DCHS2: variants seen among roughly 807,000 people sequenced by gnomAD.
DCHS2 encodes protocadherin-23.
A neutral mutation model predicts 182.4 loss-of-function variants in DCHS2; 142 were observed. The ratio of observed to expected loss-of-function variants is 0.78; its 90% CI spans 0.68 to 0.89. The LOEUF is 0.89. DCHS2 is among the 40% of genes least tolerant of loss of function. DCHS2 has a pLI of 0.00. For synonymous variants in DCHS2, 1,740 were observed against 1,663.3 expected (o/e 1.05, Z -1.12); for missense variants, 4,319 against 4,198.6 (o/e 1.03, Z -0.79).
At chr4:154,286,288 T>C (rs1734395581) in intron 13 of DCHS2, among the ~76,000 whole-genome samples, 1 of 151,992 alleles carries the variant, frequency 6.6e-6, no homozygotes, top group African/African-American at 2.4e-5. Flanking sequence ...CTCTTCAATA[T>C]GCAGACACTG....
chr4:154,417,214 A>T lies in DCHS2; in HGVS notation c.2053-39770T>A, dbSNP rs867924308. On this transcript the variant is annotated intron_variant, in intron 1 of 19. Transcript: ENST00000357232. ...GTGTGTGTGTGTGTGTGAGAGAGAG[A>T]GAGAGAGAGAGAGAGAGAGAGAGAG... 6.2e-3 allele frequency among the ~76,000 whole-genome samples: 545 copies of T among 88,606 alleles called. 7 individuals carry two copies. The highest frequency in any genetic ancestry group is 0.036 in the Middle Eastern group (6 of 166). The allele number at this position is 88,606 out of a possible 152,430, so 58.1% of individuals were successfully genotyped here.
At chr4:154,354,879 C>T (rs536201501) in intron 3 of DCHS2, 2 of 152,126 alleles carry the variant, frequency 1.3e-5, no homozygotes, top group South Asian at 4.2e-4. Flanking sequence ...CAGGCAATCA[C>T]AGAGTGACTT....
intron 2 of DCHS2, among the ~76,000 whole-genome samples, chr4:154,371,109 T>C (rs1730623722): frequency 6.6e-6 from 1 of 151,654 alleles, no homozygotes; most frequent in Admixed American, 6.6e-5. Context: ...CAAATGATAG[T>C]AAAGTCTCCC....
At chr4:154,471,511 T>C (rs1735467190) in intron 1 of DCHS2, among the ~76,000 whole-genome samples, 1 of 152,140 alleles carries the variant, frequency 6.6e-6, no homozygotes, top group Non-Finnish European at 1.5e-5. Context: ...TGGTTTATTG[T>C]AGTACCTTAA....
intron 12 of DCHS2, among the ~76,000 whole-genome samples, chr4:154,301,254 C>T (rs564510564): frequency 7.2e-5 from 11 of 152,250 alleles, no homozygotes; most frequent in African/African-American, 2.2e-4. Context: ...AGTGTCTCTG[C>T]TATCAACCAA....
intron 1 of DCHS2, among the ~76,000 whole-genome samples, chr4:154,380,672 A>G (rs1731127934): frequency 6.6e-6 from 1 of 152,164 alleles, no homozygotes; most frequent in South Asian, 2.1e-4. Context: ...AGACAAAAGT[A>G]GGATAAAAGT....
At position 154,409,064 on chromosome 4, in the gene DCHS2, C is replaced by T. The variant is rs558525269; in HGVS notation, c.2053-31620G>A. Among the ~76,000 whole-genome samples the T allele has an allele frequency of 6.2e-4, 95 of 152,310 alleles. No individual in the cohort carries two copies. The Middle Eastern group carries it at 0.014, about 22-fold the overall frequency. On this transcript the variant is annotated intron_variant, in intron 1 of 19. Transcript: ENST00000357232. ...AGCCAAGCAGTCAAGCATCTCAGGA[C>T]TAAGCTGACGTGGAGCCCCATGTCC... is the stretch of plus-strand genomic sequence containing the variant.
At chr4:154,394,720 T>C (rs1731859190) in intron 1 of DCHS2, among the ~76,000 whole-genome samples, 3 of 152,268 alleles carry the variant, frequency 2.0e-5, no homozygotes, top group Admixed American at 6.5e-5. Context: ...AGTTGCTGTT[T>C]GGTGCTATAC....
chr4:154,385,469 T>C (rs1376293046), intron 1 of DCHS2, among the ~76,000 whole-genome samples: 3 of 152,126 alleles, frequency 2.0e-5, no homozygotes, highest in Admixed American at 1.3e-4. Context: ...AAATGGCTTT[T>C]CTAGTTCTAG....
chr4:154,253,648 C>CTATT (rs1732499191), intron 16 of DCHS2, among the ~76,000 whole-genome samples: 2 of 151,986 alleles, frequency 1.3e-5, no homozygotes, highest in South Asian at 4.1e-4. Context: ...GTACCAATAG[C>CTATT]TATTATGCTA....
intron 1 of DCHS2, among the ~76,000 whole-genome samples, chr4:154,438,517 T>A (rs1253353333): frequency 6.6e-6 from 1 of 152,224 alleles, no homozygotes; most frequent in Non-Finnish European, 1.5e-5. Flanking sequence ...ACATTTTTTG[T>A]TCTTGCAGAA....
At position 154,240,634 on chromosome 4, in the gene DCHS2, T is replaced by C; in HGVS notation, c.7262A>G (p.Gln2421Arg). 2 of 1,613,960 alleles carry C rather than the reference T, an allele frequency of 1.2e-6. No homozygotes were observed. The highest frequency in any genetic ancestry group is 1.7e-6 in the Non-Finnish European group (2 of 1,179,922). Residue 2421 changes from glutamine (Q) to arginine (R), a missense_variant, in exon 18 of 20, where the codon CAA becomes CGA. Transcript: ENST00000357232. ...TGTGTAGTGCACTGAATCAGAAATT[T>C]GGATGAGCAGCTCATATTCAGTCAT... ...EEMTEYELLIQISDSVHYTEG... is the reference protein window; with the variant it reads ...EEMTEYELLIRISDSVHYTEG...
chr4:154,249,803 A>C (rs1732264833), intron 16 of DCHS2, among the ~76,000 whole-genome samples: 1 of 152,096 alleles, frequency 6.6e-6, no homozygotes, highest in Non-Finnish European at 1.5e-5. Context: ...CAAAAAACCA[A>C]AATAGCTCAT....
intron 14 of DCHS2, among the ~76,000 whole-genome samples, chr4:154,260,448 C>G (rs1231940590): frequency 6.6e-6 from 1 of 152,144 alleles, no homozygotes; most frequent in Non-Finnish European, 1.5e-5. Flanking sequence ...CTGCATTAGC[C>G]ACAAAATTGG....
chr4:154,290,051 C>T (rs376928617), intron 13 of DCHS2, among the ~76,000 whole-genome samples: 9 of 152,054 alleles, frequency 5.9e-5, no homozygotes, highest in Non-Finnish European at 1.2e-4. Context: ...AACCTAAAGA[C>T]TCCTCCAAAA....
At chr4:154,393,147 C>T (rs1234960432) in intron 1 of DCHS2, among the ~76,000 whole-genome samples, 1 of 152,152 alleles carries the variant, frequency 6.6e-6, no homozygotes, top group Admixed American at 6.5e-5. Context: ...ATGTTACAAG[C>T]ATACAGCTAT....
chr4:154,315,911 A>T lies in DCHS2; in HGVS notation c.5097T>A (p.Asp1699Glu). Reference protein sequence around the residue: ...QHILTVLALDDGTPALSSSQT... With the variant: ...QHILTVLALDEGTPALSSSQT... ...GGGATGAAGAAAGTGCTGGTGTGCC[A>T]TCATCCAGTGCCAGAACAGTCAGAA... The change falls in exon 10 of 20, where the codon GAT (aspartate) becomes GAA (glutamate). Residue 1699 changes from aspartate to glutamate, a missense_variant. Physicochemically the swap from Asp to Glu is conservative, Grantham distance 45. Coordinates refer to ENST00000357232, the MANE Select transcript of DCHS2 (RefSeq NM_001358235.2). 6.2e-7 allele frequency: 1 copy of T among 1,614,044 alleles called. No individual in the cohort carries two copies. Among genetic ancestry groups the T allele is most frequent in the Non-Finnish European group, 8.5e-7 (1 of 1,179,984 alleles).
At chr4:154,281,995 G>C (rs1734168779) in intron 13 of DCHS2, among the ~76,000 whole-genome samples, 1 of 152,044 alleles carries the variant, frequency 6.6e-6, no homozygotes, top group South Asian at 2.1e-4. Context: ...ACTGAAGTTG[G>C]ACCCTTTTCT....
chr4:154,416,686 G>GA (rs1732845463), intron 1 of DCHS2, among the ~76,000 whole-genome samples: 1 of 152,232 alleles, frequency 6.6e-6, no homozygotes, highest in African/African-American at 2.4e-5. Flanking sequence ...AGGAACTGGG[G>GA]AAAATCAAAC....
Sources: gnomAD v4.1 joint callset for allele counts (sites outside exome capture counted in the v4.1 genomes callset) on GRCh38, gnomAD v4.1.1 for gene constraint, MANE v1.5 for transcripts, NCBI Gene and HGNC (gene_info 2026-07-23, HGNC 2026-07-21) for gene names.